UTRN: variants seen among roughly 807,000 people sequenced by gnomAD.
The protein encoded by UTRN is dystrophin-related protein 1.
UTRN carries 283 observed loss-of-function variants against 463.9 expected under a neutral mutation model. The ratio of observed to expected loss-of-function variants is 0.61; its 90% confidence interval spans 0.55 to 0.67. UTRN has a LOEUF of 0.67. Ranked by LOEUF, UTRN falls within the 30% of genes least tolerant of loss-of-function variation. The pLI, the probability that UTRN is intolerant of heterozygous loss-of-function variation, is 0.00. For synonymous variants in UTRN, 1,442 were observed against 1,431.5 expected (o/e 1.01, Z -0.17); for missense variants, 3,922 against 4,084.3 (o/e 0.96, Z 1.08).
At chr6:144,392,544 A>T (rs901333176) in intron 2 of UTRN, among the ~76,000 whole-genome samples, 1 of 152,242 alleles carries the variant, frequency 6.6e-6, no homozygotes, top group African/African-American at 2.4e-5. Context: ...CACATTTCTC[A>T]TATTCATTAA....
intron 18 of UTRN, among the ~76,000 whole-genome samples, chr6:144,452,378 G>A (rs1015611287): frequency 3.9e-5 from 6 of 152,150 alleles, no homozygotes; most frequent in African/African-American, 1.4e-4. Flanking sequence ...TCTGGTTGAA[G>A]TAATATGGGT....
At chr6:144,780,651 T>TA (rs201402490) in intron 60 of UTRN, among the ~76,000 whole-genome samples, 5 of 151,858 alleles carry the variant, frequency 3.3e-5, no homozygotes, top group African/African-American at 4.8e-5. Context: ...TTGATTAAAT[T>TA]AAAAAAAAAT....
intron 2 of UTRN, among the ~76,000 whole-genome samples, chr6:144,296,522 C>T (rs1168450890): frequency 1.3e-5 from 2 of 152,142 alleles, no homozygotes; most frequent in African/African-American, 4.8e-5. Flanking sequence ...ATGCCTGGCT[C>T]ATAATAGGTG....
At chr6:144,435,148 C>T (rs567567242) in intron 9 of UTRN, among the ~76,000 whole-genome samples, 7 of 152,116 alleles carry the variant, frequency 4.6e-5, no homozygotes, top group East Asian at 1.9e-4. Flanking sequence ...GTTCTCTATA[C>T]GTTTCTGTAC....
At chr6:144,606,516 G>C (rs1033469579) in intron 51 of UTRN, among the ~76,000 whole-genome samples, 1 of 152,114 alleles carries the variant, frequency 6.6e-6, no homozygotes, top group Non-Finnish European at 1.5e-5. Context: ...GTAAGTATCT[G>C]TTTTCAAGTT....
At chr6:144,399,564 C>G (rs1461417015) in intron 2 of UTRN, among the ~76,000 whole-genome samples, 3 of 152,180 alleles carry the variant, frequency 2.0e-5, no homozygotes, top group African/African-American at 4.8e-5. Flanking sequence ...GAATAATAAG[C>G]TGCACTTTAG....
At position 144,453,783 on chromosome 6, in the gene UTRN, C is replaced by G. The variant is rs754294266; in HGVS notation, c.2198C>G (p.Ala733Gly). The change falls in exon 19 of 75, where the codon GCA (alanine) becomes GGA (glycine). Residue 733 changes from alanine to glycine, a missense_variant and splice_region_variant. Physicochemically the swap from Ala to Gly is moderately conservative, Grantham distance 60. Coordinates refer to ENST00000367545, the MANE Select transcript of UTRN (RefSeq NM_007124.3). ...DTSEMKKKLK[A>G]LEKEQRERIP... ...CTTATGTTGGGACTTCATTTGCAGG[C>G]ATTAGAAAAAGAACAGAGAGAAAGA... The G allele has an allele frequency of 6.2e-7, 1 of 1,611,632 alleles. No homozygotes were observed. The highest frequency in any genetic ancestry group is 8.5e-7 in the Non-Finnish European group (1 of 1,178,698).
intron 51 of UTRN, among the ~76,000 whole-genome samples, chr6:144,676,366 A>G (rs1038927089): frequency 6.6e-5 from 10 of 152,152 alleles, no homozygotes; most frequent in Admixed American, 5.9e-4. Context: ...AAATTTAAGA[A>G]CCATTTTAAA....
At chr6:144,502,421 C>T (rs953619168) in intron 34 of UTRN, among the ~76,000 whole-genome samples, 2 of 152,086 alleles carry the variant, frequency 1.3e-5, no homozygotes, top group African/African-American at 4.8e-5. Context: ...CCCCCCAGCC[C>T]CCAACAGGAC....
intron 2 of UTRN, among the ~76,000 whole-genome samples, chr6:144,318,864 A>G (rs560714782): frequency 6.6e-6 from 1 of 152,298 alleles, no homozygotes; most frequent in South Asian, 2.1e-4. Context: ...GGAGCTCAGG[A>G]GTTCAAGACC....
intron 54 of UTRN, among the ~76,000 whole-genome samples, chr6:144,745,892 G>A (rs1008828658): frequency 6.6e-6 from 1 of 151,860 alleles, no homozygotes; most frequent in African/African-American, 2.4e-5. Context: ...AATCATAAAA[G>A]TTACCACCTC....
chr6:144,491,782 A>G (rs1480718421), intron 32 of UTRN, among the ~76,000 whole-genome samples: 1 of 152,132 alleles, frequency 6.6e-6, no homozygotes, highest in Non-Finnish European at 1.5e-5. Flanking sequence ...TATTTATTTG[A>G]TTATTGTGAC....
Position 144,291,761 on chromosome 6 carries a change from G to A in UTRN, c.-68G>A, listed in dbSNP as rs796587615. On this transcript the variant is annotated 5_prime_UTR_variant, in exon 2 of 75. Transcript: ENST00000367545. ...GGTATTGATGTCAAGCTGAACCATCGTAGGAAGTTGAAAGCCTTAGAAAGA... is the reference window on the plus strand; with the variant it reads ...GGTATTGATGTCAAGCTGAACCATCATAGGAAGTTGAAAGCCTTAGAAAGA... 5.6e-6 allele frequency: 8 copies of A among 1,436,426 alleles called. No individual in the cohort carries two copies. The highest frequency in any genetic ancestry group is 2.4e-5 in the East Asian group (1 of 42,312). The allele number at this position is 1,436,426 out of a possible 1,614,324, so 89.0% of individuals were successfully genotyped here.
chr6:144,789,651 G>A (rs1014780885), intron 62 of UTRN, among the ~76,000 whole-genome samples: 1 of 152,160 alleles, frequency 6.6e-6, no homozygotes, highest in African/African-American at 2.4e-5. Flanking sequence ...GAGCTGATAA[G>A]GGATGGGGCT....
At chr6:144,461,461 G>A (rs2128561434) in intron 22 of UTRN, 119 bp downstream of exon 22, 2 of 1,130,774 alleles carry the variant, frequency 1.8e-6, no homozygotes, top group Non-Finnish European at 2.3e-6. Flanking sequence ...CATCATTGGT[G>A]CAAAAATGTG....
At chr6:144,621,790 A>C (rs888363346) in intron 51 of UTRN, among the ~76,000 whole-genome samples, 2 of 152,174 alleles carry the variant, frequency 1.3e-5, no homozygotes, top group African/African-American at 4.8e-5. Flanking sequence ...TTCATTTGCT[A>C]GTAATGCTGA....
chr6:144,485,544 A>G (rs760471846), intron 28 of UTRN, 25 bp downstream of exon 28: 7 of 1,613,856 alleles, frequency 4.3e-6, no homozygotes, highest in Non-Finnish European at 5.9e-6. Flanking sequence ...TCTCCACGGC[A>G]TTTCTCTTTG....
Position 144,480,104 on chromosome 6 carries a change from T to C in UTRN, c.3507+122T>C, listed in dbSNP as rs537565207. The stretch of plus-strand genomic sequence containing the variant: ...GCATGTAGCATCTTTCACAGTAGGT[T>C]TTTGAATTAAAAAAACATAACAGGG... On this transcript the variant is annotated intron_variant, in intron 26 of 74. Coordinates refer to ENST00000367545, the MANE Select transcript of UTRN (RefSeq NM_007124.3). The C allele has an allele frequency of 1.4e-5, 17 of 1,206,882 alleles. No homozygotes were observed. The African/African-American group carries it at 2.3e-4, about 17-fold the overall frequency. The allele number at this position is 1,206,882 out of a possible 1,614,324, so 74.8% of individuals were successfully genotyped here. A position where few individuals can be genotyped will look rare whatever the true frequency, so the allele number is the denominator to read the frequency against.
intron 65 of UTRN, among the ~76,000 whole-genome samples, chr6:144,811,856 C>T (rs1291162854): frequency 6.6e-6 from 1 of 152,046 alleles, no homozygotes; most frequent in African/African-American, 2.4e-5. Flanking sequence ...TAAGAAGTAA[C>T]TCTTGCTAAT....
Sources: allele counts gnomAD v4.1 joint callset (sites outside exome capture counted in the v4.1 genomes callset), GRCh38; gene constraint gnomAD v4.1.1; transcripts MANE v1.5; gene names NCBI Gene and HGNC (gene_info 2026-07-23, HGNC 2026-07-21).